UPP2: variants seen among roughly 807,000 people sequenced by gnomAD.
The protein encoded by UPP2 is UPase 2.
In UPP2, 23 loss-of-function variants were observed where a neutral mutation model predicts 26.7. The observed-to-expected ratio is 0.86, with a 90% CI of 0.62 to 1.22. UPP2 has a LOEUF of 1.22. Among genes scored for constraint, UPP2 ranks in the 50% most tolerant of loss-of-function variants. UPP2 has a pLI of 0.00. For synonymous variants in UPP2, 127 were observed against 141.3 expected, an observed-to-expected ratio of 0.90 and a Z score of 0.72; for missense variants, 387 against 396.7, an observed-to-expected ratio of 0.98 and a Z score of 0.21.
intron 3 of UPP2, among the ~76,000 whole-genome samples, chr2:158,094,010 T>G (rs963600124): frequency 2.0e-5 from 3 of 150,354 alleles, no homozygotes; most frequent in Middle Eastern, 7.1e-3. Context: ...ATATGATTCT[T>G]ATATATACAT....
intron 3 of UPP2, among the ~76,000 whole-genome samples, chr2:158,045,754 C>G (rs1307899784): frequency 6.6e-6 from 1 of 152,088 alleles, no homozygotes; most frequent in East Asian, 1.9e-4. Flanking sequence ...AGGCACAACC[C>G]TTTAGGAAGG....
At chr2:158,070,451 A>T (rs1056997280) in intron 3 of UPP2, among the ~76,000 whole-genome samples, 2 of 152,270 alleles carry the variant, frequency 1.3e-5, no homozygotes, top group African/African-American at 4.8e-5. Flanking sequence ...AACTGAGAAC[A>T]AGAAAAGCTG....
chr2:158,108,887 C>CGTGTGT (rs748328980), intron 2 of UPP2, among the ~76,000 whole-genome samples: 8,660 of 132,976 alleles, frequency 0.065, 258 homozygotes, highest in African/African-American at 0.1. Flanking sequence ...GAGGCAAAAG[C>CGTGTGT]GTGTGTGTGT....
intron 1 of UPP2, among the ~76,000 whole-genome samples, chr2:158,103,835 A>G (rs963870043): frequency 3.9e-5 from 6 of 152,340 alleles, no homozygotes; most frequent in South Asian, 2.1e-4. Context: ...CACACACTGT[A>G]TAACAAGGGA....
chr2:158,069,710 T>C (rs763626355), intron 3 of UPP2, among the ~76,000 whole-genome samples: 5 of 152,210 alleles, frequency 3.3e-5, no homozygotes, highest in Non-Finnish European at 4.4e-5. Context: ...CTCAGTGATC[T>C]CTCAGTCACT....
intron 6 of UPP2, among the ~76,000 whole-genome samples, chr2:158,129,783 T>C (rs1044407927): frequency 1.3e-5 from 2 of 151,732 alleles, no homozygotes; most frequent in Non-Finnish European, 1.5e-5. Flanking sequence ...GTTTTTTTTT[T>C]GAGACAAGGT....
At chr2:158,012,184 A>T (rs1356982897) in intron 2 of UPP2, among the ~76,000 whole-genome samples, 1 of 150,446 alleles carries the variant, frequency 6.6e-6, no homozygotes, top group Non-Finnish European at 1.5e-5. Context: ...AATCACTCTG[A>T]GGAAAAGAGA....
chr2:158,009,070 T>C (rs924543584), intron 2 of UPP2, among the ~76,000 whole-genome samples: 2 of 152,230 alleles, frequency 1.3e-5, no homozygotes, highest in African/African-American at 2.4e-5. Flanking sequence ...TGCTTTGATA[T>C]TGCAAATTTT....
At chr2:158,114,333 T>A (rs897330118) in intron 2 of UPP2, among the ~76,000 whole-genome samples, 13 of 152,160 alleles carry the variant, frequency 8.5e-5, no homozygotes, top group African/African-American at 3.1e-4. Flanking sequence ...CTCCCTGGCG[T>A]CCACCTCTCC....
At chr2:158,050,770 G>A (rs1682142226) in intron 3 of UPP2, among the ~76,000 whole-genome samples, 2 of 152,294 alleles carry the variant, frequency 1.3e-5, no homozygotes, top group African/African-American at 4.8e-5. Context: ...TTGAAACAGG[G>A]TGGAACTCGA....
chr2:158,101,076 T>C (rs1683067305), upstream of UPP2, among the ~76,000 whole-genome samples: 1 of 152,204 alleles, frequency 6.6e-6, no homozygotes, highest in African/African-American at 2.4e-5. Flanking sequence ...GTTTGGCATT[T>C]ATAGACATTT....
intron 3 of UPP2, among the ~76,000 whole-genome samples, chr2:158,080,316 G>T (rs1382453436): frequency 1.3e-5 from 2 of 152,032 alleles, no homozygotes; most frequent in Non-Finnish European, 2.9e-5. Flanking sequence ...CTAAGATTAT[G>T]AGCTTGCTGG....
intron 2 of UPP2, among the ~76,000 whole-genome samples, chr2:158,008,896 AAG>A (rs1234918569): frequency 6.6e-6 from 1 of 152,172 alleles, no homozygotes; most frequent in Non-Finnish European, 1.5e-5. Context: ...TTGAACCCCC[AAG>A]AGTCTTTAAA....
At chr2:158,008,154 G>C (rs1683522747) in intron 2 of UPP2, among the ~76,000 whole-genome samples, 1 of 152,144 alleles carries the variant, frequency 6.6e-6, no homozygotes, top group African/African-American at 2.4e-5. Context: ...GAGAAATTAT[G>C]ACTTTTAAAA....
At chr2:158,120,566 A>C (rs906007005) in intron 4 of UPP2, among the ~76,000 whole-genome samples, 19 of 152,076 alleles carry the variant, frequency 1.2e-4, no homozygotes, top group South Asian at 1.2e-3. Context: ...ACAAATGGGT[A>C]ATTATAAAAA....
intron 6 of UPP2, chr2:158,128,086 A>G: frequency 1.1e-6 from 1 of 904,598 alleles, no homozygotes; most frequent in Non-Finnish European, 1.3e-6. Context: ...CTGCCTTTTG[A>G]CACAGGCTTG....
chr2:158,120,817 T>TG (rs1374557628), intron 4 of UPP2, among the ~76,000 whole-genome samples: 6 of 151,498 alleles, frequency 4.0e-5, no homozygotes, highest in South Asian at 4.2e-4. Context: ...GGTGAAAAGG[T>TG]GGGGGGAGGA....
At chr2:158,038,128 A>T (rs1276477829) in intron 3 of UPP2, among the ~76,000 whole-genome samples, 1 of 152,158 alleles carries the variant, frequency 6.6e-6, no homozygotes, top group Non-Finnish European at 1.5e-5. Context: ...GAACCATCTT[A>T]TTTTCAGTTT....
intron 3 of UPP2, among the ~76,000 whole-genome samples, chr2:158,056,650 A>G (rs1682249711): frequency 6.6e-6 from 1 of 152,120 alleles, no homozygotes; most frequent in Admixed American, 6.5e-5. Flanking sequence ...CATATTTCCA[A>G]TCCCTGCCTT....
Sources: allele counts gnomAD v4.1 joint callset (sites outside exome capture counted in the v4.1 genomes callset), GRCh38; gene constraint gnomAD v4.1.1; transcripts MANE v1.5; gene names NCBI Gene and HGNC (gene_info 2026-07-23, HGNC 2026-07-21).